Variants in TTC27 observed in about 807,000 individuals in gnomAD.
TTC27 encodes tetratricopeptide repeat domain 27.
A neutral mutation model predicts 115.9 loss-of-function variants in TTC27; 79 were observed. That is an observed-to-expected ratio of 0.68 (90% confidence interval 0.57 to 0.82). The LOEUF (loss-of-function observed/expected upper bound fraction) is 0.82. TTC27 is among the 40% of genes least tolerant of loss of function. TTC27 has a pLI of 0.00. For synonymous variants in TTC27, 401 were observed against 356.0 expected, an observed-to-expected ratio of 1.13 and a Z score of -1.42; for missense variants, 1,054 against 993.1, an observed-to-expected ratio of 1.06 and a Z score of -0.82.
chr2:32,690,518 A>G (rs1448892784), intron 9 of TTC27, among the ~76,000 whole-genome samples: 2 of 152,222 alleles, frequency 1.3e-5, no homozygotes, highest in African/African-American at 2.4e-5. Flanking sequence ...AATATTTAGG[A>G]CTGAGCAGTC....
At chr2:32,671,919 T>C (rs1666029182) in intron 7 of TTC27, among the ~76,000 whole-genome samples, 1 of 152,224 alleles carries the variant, frequency 6.6e-6, no homozygotes, top group Admixed American at 6.5e-5. Flanking sequence ...CTTTGTTTTT[T>C]CATCAGTAAA....
Position 32,672,326 on chromosome 2 carries a change from G to A in TTC27, c.994G>A (p.Glu332Lys). Residue 332 changes from glutamate (E) to lysine (K), a missense_variant, in exon 8 of 20, where the codon GAA becomes AAA. Coordinates refer to ENST00000317907, the MANE Select transcript of TTC27 (RefSeq NM_017735.5). The stretch of plus-strand genomic sequence containing the variant: ...GAATGACATAAAGTTAGCAGATTGT[G>A]AACAGTTCCAGATGCCGGATCTGTG... The part of the protein sequence containing the change: ...ILNDIKLADC[E>K]QFQMPDLCAE... 6.2e-7 allele frequency: 1 copy of A among 1,613,958 alleles called. No homozygotes were observed. Among genetic ancestry groups the A allele is most frequent in the East Asian group, 2.2e-5 (1 of 44,844 alleles).
intron 16 of TTC27, among the ~76,000 whole-genome samples, chr2:32,801,672 G>A (rs568134765): frequency 6.6e-6 from 1 of 152,306 alleles, no homozygotes; most frequent in South Asian, 2.1e-4. Flanking sequence ...GAACAGCGGT[G>A]TTCATGAAGA....
At chr2:32,807,998 A>G (rs1671192229) in intron 16 of TTC27, among the ~76,000 whole-genome samples, 1 of 118,782 alleles carries the variant, frequency 8.4e-6, no homozygotes, top group Non-Finnish European at 1.7e-5. Context: ...CAGTGGCGCA[A>G]TCTCAGCTCA....
intron 3 of TTC27, among the ~76,000 whole-genome samples, chr2:32,636,708 CA>C (rs1457551953): frequency 6.6e-6 from 1 of 152,082 alleles, no homozygotes; most frequent in South Asian, 2.1e-4. Flanking sequence ...GGTAGCAAAT[CA>C]AAACAATATG....
At chr2:32,644,069 T>C (rs1664753641) in intron 4 of TTC27, among the ~76,000 whole-genome samples, 1 of 150,238 alleles carries the variant, frequency 6.7e-6, no homozygotes, top group African/African-American at 2.5e-5. Context: ...TAATCTCAGC[T>C]ACTTGGAAGG....
chr2:32,809,296 A>G (rs1449767143), intron 16 of TTC27, among the ~76,000 whole-genome samples: 1 of 152,282 alleles, frequency 6.6e-6, no homozygotes, highest in African/African-American at 2.4e-5. Flanking sequence ...TTCAGGCACA[A>G]TTATTTATTG....
At chr2:32,682,299 C>G (rs1206894755) in intron 9 of TTC27, among the ~76,000 whole-genome samples, 1 of 151,954 alleles carries the variant, frequency 6.6e-6, no homozygotes, top group Non-Finnish European at 1.5e-5. Context: ...CTTTCTCTTC[C>G]GTAAAATGGG....
intron 5 of TTC27, among the ~76,000 whole-genome samples, chr2:32,659,236 G>A (rs182603784): frequency 2.0e-5 from 3 of 152,188 alleles, no homozygotes; most frequent in Admixed American, 2.0e-4. Flanking sequence ...TAAGCACTTG[G>A]ATTATAGCGT....
chr2:32,703,902 A>T (rs1667275213), intron 10 of TTC27, among the ~76,000 whole-genome samples: 1 of 152,222 alleles, frequency 6.6e-6, no homozygotes, highest in African/African-American at 2.4e-5. Context: ...TAAAGGCTGG[A>T]AAGTCTAAGA....
At chr2:32,717,721 T>A (rs1030453820) in intron 10 of TTC27, among the ~76,000 whole-genome samples, 5 of 152,256 alleles carry the variant, frequency 3.3e-5, no homozygotes, top group Admixed American at 3.3e-4. Context: ...ATTACCTCAA[T>A]ATCGTCTGTC....
chr2:32,670,439 A>G (rs1181704262), intron 7 of TTC27, among the ~76,000 whole-genome samples: 1 of 152,110 alleles, frequency 6.6e-6, no homozygotes, highest in South Asian at 2.1e-4. Flanking sequence ...TTTCCAATAA[A>G]TGGAATCATA....
At chr2:32,805,261 G>A (rs1437488762) in intron 16 of TTC27, among the ~76,000 whole-genome samples, 1 of 152,182 alleles carries the variant, frequency 6.6e-6, no homozygotes, top group African/African-American at 2.4e-5. Context: ...TGGGTTACAT[G>A]TGCTCACAGA....
At position 32,767,443 on chromosome 2, in the gene TTC27, G is replaced by GTTTT. The variant is rs150586627; in HGVS notation, c.1680+8930_1680+8933dup. Among the ~76,000 whole-genome samples the GTTTT allele has an allele frequency of 1.1e-3, 119 of 112,190 alleles. 5 individuals carry two copies. Among genetic ancestry groups the GTTTT allele is most frequent in the Non-Finnish European group, 1.2e-3 (65 of 53,708 alleles). The allele number at this position is 112,190 out of a possible 152,430, so 73.6% of individuals were successfully genotyped here. ...AAAGATACTAAGTGAATATTTATAA[G>GTTTT]TTTTTTTTTGTTTTTTTTTTTTTTT... On this transcript the variant is annotated intron_variant, in intron 13 of 19. Transcript: ENST00000317907.
Position 32,758,317 on chromosome 2 carries a change from TG to T in TTC27, c.1480del (p.Glu494ArgfsTer54). On this transcript the variant is annotated frameshift_variant, in exon 13 of 20. Coordinates refer to ENST00000317907, the MANE Select transcript of TTC27 (RefSeq NM_017735.5). LOFTEE classifies it high-confidence loss of function. The part of the protein sequence containing the change: ...GKAEEILRQE[L>X]EKKETPSLYC... ...GCAGAAGAAATCCTTAGACAAGAGC[TG>T]GAGAAAAAAGAAACGCCTAGTTTAT... is the stretch of plus-strand genomic sequence containing the variant. 6.2e-7 allele frequency: 1 copy of T among 1,614,144 alleles called. No homozygotes were observed. The highest frequency in any genetic ancestry group is 8.5e-7 in the Non-Finnish European group (1 of 1,180,026).
At chr2:32,702,782 A>AT (rs1433769707) in intron 9 of TTC27, 25 bp from the exon 10 acceptor site, 41 of 1,510,486 alleles carry the variant, frequency 2.7e-5, no homozygotes, top group Non-Finnish European at 3.8e-5. Context: ...CTTTTCTATG[A>AT]TTTTTTTCTT....
intron 16 of TTC27, among the ~76,000 whole-genome samples, chr2:32,789,792 A>G (rs1383015295): frequency 6.6e-6 from 1 of 151,466 alleles, no homozygotes; most frequent in Admixed American, 6.6e-5. Flanking sequence ...TGGGCTTGGT[A>G]ATATGTACCT....
intron 9 of TTC27, among the ~76,000 whole-genome samples, chr2:32,695,788 C>T (rs1666966052): frequency 7.0e-6 from 1 of 143,032 alleles, no homozygotes; most frequent in Non-Finnish European, 1.5e-5. Flanking sequence ...CCCAGCTACT[C>T]TGTAGGCTGA....
intron 3 of TTC27, among the ~76,000 whole-genome samples, chr2:32,639,955 C>T (rs112144736): frequency 2.6e-5 from 4 of 152,218 alleles, no homozygotes; most frequent in East Asian, 1.9e-4. Context: ...GCCAAGATCA[C>T]GCCACTGCAC....
Sources: gnomAD v4.1 joint callset for allele counts (sites outside exome capture counted in the v4.1 genomes callset) on GRCh38, gnomAD v4.1.1 for gene constraint, MANE v1.5 for transcripts, NCBI Gene and HGNC (gene_info 2026-07-23, HGNC 2026-07-21) for gene names.